EVC: variants seen among roughly 807,000 people sequenced by gnomAD.
The protein encoded by EVC is evC complex member EVC.
EVC carries 116 observed loss-of-function variants against 118.9 expected under a neutral mutation model. The observed-to-expected ratio is 0.98, with a 90% confidence interval of 0.84 to 1.14. The LOEUF (loss-of-function observed/expected upper bound fraction) is 1.14. Among genes scored for constraint, EVC ranks in the 50% most tolerant of loss-of-function variants. The pLI is 0.00. For missense variants in EVC, 1,401 were observed against 1,246.4 expected, an observed-to-expected ratio of 1.12 and a Z score of -1.87; for synonymous variants, 619 against 534.7, an observed-to-expected ratio of 1.16 and a Z score of -2.18.
chr4:5,817,032 A>G (rs1460200058), downstream of EVC, among the ~76,000 whole-genome samples: 1 of 152,214 alleles, frequency 6.6e-6, no homozygotes, highest in Non-Finnish European at 1.5e-5. Flanking sequence ...GGTTGGGAGA[A>G]GGAATCAGTG....
At chr4:5,793,899 G>C (rs535913222) in intron 13 of EVC, among the ~76,000 whole-genome samples, 182 bp downstream of exon 13, 2 of 152,122 alleles carry the variant, frequency 1.3e-5, no homozygotes, top group Non-Finnish European at 2.9e-5. Context: ...CTATCTATTT[G>C]ATAGAGTTGT....
At position 5,738,387 on chromosome 4, in the gene EVC, A is replaced by C. The variant is rs1163542954; in HGVS notation, c.703-3329A>C. On this transcript the variant is annotated intron_variant, in intron 5 of 20. Transcript: ENST00000264956. The surrounding 1 kb of genome is among the most constrained non-coding windows in gnomAD (Gnocchi z 6.5). ...TGCAGGGTTTGAGAGGATTGACTCC[A>C]AGTTTTAAAGTTCTACTGTGGGCAA... Among the ~76,000 whole-genome samples, 1 of 152,186 alleles carries C rather than the reference A, an allele frequency of 6.6e-6. No homozygotes were observed. The highest frequency in any genetic ancestry group is 1.5e-5 in the Non-Finnish European group (1 of 68,028).
chr4:5,799,586 CT>C (rs1714600957), intron 15 of EVC, among the ~76,000 whole-genome samples: 1 of 152,154 alleles, frequency 6.6e-6, no homozygotes, highest in African/African-American at 2.4e-5. Context: ...TAGGGCACCC[CT>C]TACAGCACCT....
At chr4:5,785,357 T>C (rs1172250419) in intron 12 of EVC, among the ~76,000 whole-genome samples, 1 of 152,188 alleles carries the variant, frequency 6.6e-6, no homozygotes, top group Non-Finnish European at 1.5e-5. Context: ...ACATGCTTAT[T>C]GTCAGAAACA....
Position 5,743,547 on chromosome 4 carries a change from C to A in EVC, c.802-1657C>A, listed in dbSNP as rs1389436916. The stretch of plus-strand genomic sequence containing the variant: ...TTATCATCTTTCCTGCTACCTCTAC[C>A]TTCACCTTCATTAGAGTCCTCATTG... On this transcript the variant is annotated intron_variant, in intron 6 of 20. Coordinates refer to ENST00000264956, the MANE Select transcript of EVC (RefSeq NM_153717.3). This position sits in a 1 kb window ranked among gnomAD's most constrained non-coding sequence, Gnocchi z 4.7. 4.6e-5 allele frequency among the ~76,000 whole-genome samples: 7 copies of A among 152,156 alleles called. No individual in the cohort carries two copies. Among genetic ancestry groups the A allele is most frequent in the East Asian group, 1.9e-4 (1 of 5,198 alleles).
downstream of EVC, among the ~76,000 whole-genome samples, chr4:5,818,975 C>A (rs1718084468): frequency 6.6e-6 from 1 of 152,164 alleles, no homozygotes; most frequent in Non-Finnish European, 1.5e-5. Context: ...TGGCAGCACA[C>A]TTCTGGACCA....
At chr4:5,752,354 T>G (rs931283739) in intron 8 of EVC, among the ~76,000 whole-genome samples, 1 of 152,084 alleles carries the variant, frequency 6.6e-6, no homozygotes, top group Non-Finnish European at 1.5e-5. Context: ...GGGAGTCGTG[T>G]TGGAAGCCAA....
intron 11 of EVC, among the ~76,000 whole-genome samples, chr4:5,767,577 G>C (rs965034399): frequency 3.3e-5 from 5 of 151,222 alleles, no homozygotes; most frequent in Non-Finnish European, 7.4e-5. Flanking sequence ...GACCCTCCGA[G>C]CCACGTGTGG....
chr4:5,791,662 G>A (rs1309690788), intron 12 of EVC, among the ~76,000 whole-genome samples: 1 of 152,060 alleles, frequency 6.6e-6, no homozygotes, highest in Admixed American at 6.6e-5. Context: ...CCATCCAGGA[G>A]CCAGCTTGTT....
the EVC span, chr4:5,825,213 ATG>A: frequency 3.5e-5 from 34 of 985,136 alleles, no homozygotes; most frequent in Non-Finnish European, 4.0e-5. The surrounding 1 kb of genome is among the most constrained non-coding windows in gnomAD (Gnocchi z 4.4). Context: ...GTGTCCCCAA[ATG>A]TGTGTAAGGA....
intron 7 of EVC, among the ~76,000 whole-genome samples, chr4:5,747,165 G>C (rs1404828779): frequency 6.6e-6 from 1 of 152,142 alleles, no homozygotes; most frequent in Admixed American, 6.6e-5. Flanking sequence ...GTGTTCATCT[G>C]GGTGCAGGCT....
intron 11 of EVC, among the ~76,000 whole-genome samples, chr4:5,779,570 T>A (rs1207758692): frequency 7.6e-6 from 1 of 130,870 alleles, no homozygotes; most frequent in Non-Finnish European, 1.6e-5. Flanking sequence ...CCTTGTAAGT[T>A]GGATTCCTAG....
rs1025045992 is a variant in EVC at position 5,719,091 on chromosome 4, G to C, written c.175-157G>C. 4.6e-5 allele frequency among the ~76,000 whole-genome samples: 7 copies of C among 152,104 alleles called. No homozygotes were observed. Among genetic ancestry groups the C allele is most frequent in the African/African-American group, 1.7e-4 (7 of 41,420 alleles). On this transcript the variant is annotated intron_variant, in intron 1 of 20. Transcript: ENST00000264956. The surrounding 1 kb of genome is among the most constrained non-coding windows in gnomAD (Gnocchi z 4.7). The stretch of plus-strand genomic sequence containing the variant: ...GCGGACCCCACGTGGGGTGGGAGGC[G>C]TCACACACAGAAGACCAAGCTTGAG...
intron 11 of EVC, among the ~76,000 whole-genome samples, chr4:5,766,773 C>G (rs1247266448): frequency 1.5e-5 from 2 of 135,600 alleles, no homozygotes; most frequent in African/African-American, 2.8e-5. Flanking sequence ...TTAAGCACTT[C>G]TCTGTATTGG....
In EVC at chr4:5,753,010, C is replaced by T. The variant is rs2152076710; in HGVS notation, c.1273C>T (p.Gln425Ter). Residue 425 changes from glutamine to a stop codon, truncating the protein, a stop_gained, in exon 9 of 21, where the codon CAG (glutamine) becomes TAG (stop). Transcript: ENST00000264956. LOFTEE classifies it high-confidence loss of function. ...GRQKEELLTQQHKAFWQEAER... is the reference protein window; with the variant it reads ...GRQKEELLTQ Reference sequence around the variant, plus strand: ...GCAGAAGGAGGAGCTGCTCACGCAGCAGCACAAGGCCTTCTGGCAGGAGGC... The same window carrying T: ...GCAGAAGGAGGAGCTGCTCACGCAGTAGCACAAGGCCTTCTGGCAGGAGGC... 1 of 1,611,682 alleles carries T rather than the reference C, an allele frequency of 6.2e-7. No homozygotes were observed. Among genetic ancestry groups the T allele is most frequent in the East Asian group, 2.2e-5 (1 of 44,828 alleles).
chr4:5,808,295 C>G lies in EVC; in HGVS notation c.2656C>G (p.Leu886Val), dbSNP rs187506181. ...GCAGCAGCAGGCAGGAGTCATGGAC[C>G]TTCTGGAAGCCCAGCTGGAGACCCA... Reference protein sequence around the residue: ...AQQQQAGVMDLLEAQLETQLQ... With the variant: ...AQQQQAGVMDVLEAQLETQLQ... Residue 886 changes from leucine (L) to valine (V), a missense_variant, in exon 18 of 21, where the codon CTT (leucine) becomes GTT (valine). Physicochemically the swap from Leu to Val is conservative, Grantham distance 32 (BLOSUM62 1). Coordinates refer to ENST00000264956, the MANE Select transcript of EVC (RefSeq NM_153717.3). 6.6e-5 allele frequency: 107 copies of G among 1,614,230 alleles called. 1 individual carries two copies. The East Asian group carries it at 2.4e-3, about 36-fold the overall frequency.
intron 2 of EVC, among the ~76,000 whole-genome samples, chr4:5,720,445 C>T (rs1724755297): frequency 6.6e-6 from 1 of 152,224 alleles, no homozygotes; most frequent in South Asian, 2.1e-4. Context: ...CAGGCCCCTG[C>T]TCCAGAGTGC....
At chr4:5,815,655 A>G (rs1232828529), downstream of EVC, among the ~76,000 whole-genome samples, 2 of 152,204 alleles carry the variant, frequency 1.3e-5, no homozygotes, top group African/African-American at 2.4e-5. Flanking sequence ...TGTCCCCCAG[A>G]GAGTGGAAGC....
downstream of EVC, among the ~76,000 whole-genome samples, chr4:5,816,708 C>T (rs1283149879): frequency 1.3e-5 from 2 of 150,206 alleles, no homozygotes; most frequent in Non-Finnish European, 3.0e-5. Flanking sequence ...CCCTCTCTCC[C>T]CTCCCTCTCT....
Sources: gnomAD v4.1 joint callset for allele counts (sites outside exome capture counted in the v4.1 genomes callset) on GRCh38, gnomAD v4.1.1 for gene constraint, Gnocchi (gnomAD v3.1) non-coding constraint, MANE v1.5 for transcripts, NCBI Gene and HGNC (gene_info 2026-07-23, HGNC 2026-07-21) for gene names.